The following TBL1X variants were observed in gnomAD, a reference collection of about 807,000 sequenced individuals.
TBL1X encodes the protein transducin beta like 1 X-linked.
TBL1X carries 10 observed loss-of-function variants against 50.7 expected under a neutral mutation model. The observed-to-expected ratio is 0.20, with a 90% CI of 0.12 to 0.33. TBL1X has a LOEUF of 0.33. TBL1X is among the 10% of genes least tolerant of loss of function. The pLI is 1.00. For synonymous variants in TBL1X, 190 were observed against 214.7 expected (o/e 0.88, Z 1.01); for missense variants, 340 against 504.4 (o/e 0.67, Z 3.12).
At chrX:9,517,235 G>A (rs1346360251) in intron 2 of TBL1X, among the ~76,000 whole-genome samples, 2 of 110,899 alleles carry the variant, frequency 1.8e-5, no homozygotes, top group Non-Finnish European at 3.8e-5. Flanking sequence ...ATCTGTGTGT[G>A]TTCTTTGAGG....
At chrX:9,645,885 A>G (rs1396279313) in intron 3 of TBL1X, among the ~76,000 whole-genome samples, 1 of 111,367 alleles carries the variant, frequency 9.0e-6, no homozygotes, top group Non-Finnish European at 1.9e-5. Flanking sequence ...CTGCCACCCA[A>G]TTTGGGACAT....
At chrX:9,645,748 A>G (rs1294690132) in intron 3 of TBL1X, among the ~76,000 whole-genome samples, 1 of 111,932 alleles carries the variant, frequency 8.9e-6, no homozygotes, top group African/African-American at 3.2e-5. Context: ...AAGTGTATGA[A>G]AGAAAGCAAG....
At chrX:9,566,455 C>T (rs997382244) in intron 2 of TBL1X, among the ~76,000 whole-genome samples, 11 of 111,726 alleles carry the variant, frequency 9.8e-5, no homozygotes, top group Non-Finnish European at 1.7e-4. Flanking sequence ...GCAAATGAAG[C>T]GGTTTGGAAT....
chrX:9,564,715 G>A lies in TBL1X; in HGVS notation c.-131+62866G>A, dbSNP rs1384012532. Among the ~76,000 whole-genome samples, 9 of 105,935 alleles carry A rather than the reference G, an allele frequency of 8.5e-5. No individual in the cohort carries two copies. The East Asian group carries it at 2.1e-3, about 25-fold the overall frequency. 92.0% of individuals were successfully genotyped at this position (105,935 alleles called of 115,157 possible). A position where few individuals can be genotyped will look rare whatever the true frequency, so the allele number is the denominator to read the frequency against. On this transcript the variant is annotated intron_variant, in intron 2 of 17. Transcript: ENST00000645353. ...GCCACTGCACTCCAGCCTGGTGACA[G>A]AGCAAGACTCTGTCTCAAAAAAAAA...
rs1468335270 is a variant in TBL1X at position 9,490,438 on chromosome X, G to C, written c.-200-11342G>C. ...CTGGCATCTTGTGGGCAGACCCCAG[G>C]GGTTCCACTAAGCACTGTAATGTGC... is the stretch of plus-strand genomic sequence containing the variant. On this transcript the variant is annotated intron_variant, in intron 1 of 17. Coordinates refer to ENST00000645353, the MANE Select transcript of TBL1X (RefSeq NM_005647.4). Among the ~76,000 whole-genome samples the C allele has an allele frequency of 4.5e-5, 5 of 111,932 alleles. No individual in the cohort carries two copies. In the Admixed American group the frequency reaches 4.7e-4, roughly 11 times the overall value.
At chrX:9,579,474 C>T (rs1350305394) in intron 2 of TBL1X, among the ~76,000 whole-genome samples, 2 of 112,037 alleles carry the variant, frequency 1.8e-5, no homozygotes, top group Non-Finnish European at 3.8e-5. Flanking sequence ...ATTGGCTCTC[C>T]AGATCTCTTA....
At chrX:9,582,930 T>C (rs745617982) in intron 2 of TBL1X, among the ~76,000 whole-genome samples, 1 of 112,638 alleles carries the variant, frequency 8.9e-6, no homozygotes, top group African/African-American at 3.2e-5. Flanking sequence ...TGTTTTCTCT[T>C]TAGAGTAATT....
chrX:9,622,394 T>C (rs1489324970), intron 2 of TBL1X, among the ~76,000 whole-genome samples: 1 of 111,506 alleles, frequency 9.0e-6, no homozygotes, highest in African/African-American at 3.3e-5. Context: ...TGTCCTTTCA[T>C]ATCGGGCATA....
intron 2 of TBL1X, among the ~76,000 whole-genome samples, chrX:9,628,035 G>A (rs912969649): frequency 8.9e-6 from 1 of 112,600 alleles, no homozygotes; most frequent in South Asian, 3.7e-4. Context: ...GTTGATATGT[G>A]GTTCTCATGA....
intron 2 of TBL1X, among the ~76,000 whole-genome samples, chrX:9,579,552 C>T (rs1250883060): frequency 2.7e-5 from 3 of 111,410 alleles, no homozygotes; most frequent in African/African-American, 3.3e-5. Context: ...AGGAAGTGAC[C>T]GGGAAGTGAA....
At chrX:9,575,113 C>T (rs921995381) in intron 2 of TBL1X, among the ~76,000 whole-genome samples, 2 of 111,183 alleles carry the variant, frequency 1.8e-5, no homozygotes, top group Non-Finnish European at 3.8e-5. Flanking sequence ...TGGCAGAAGG[C>T]GAAGAGGAGG....
In TBL1X at chrX:9,654,198, C is replaced by T. The variant is rs1318613994; in HGVS notation, c.104-17C>T. On this transcript the variant is annotated splice_polypyrimidine_tract_variant and intron_variant, in intron 4 of 17. Coordinates refer to ENST00000645353, the MANE Select transcript of TBL1X (RefSeq NM_005647.4). ...AATACAAGCAGTGTTTCAAAACTCT[C>T]TTCTCTTTTTGAACAGAGGGTGGTT... 8.4e-7 allele frequency: 1 copy of T among 1,190,480 alleles called. No individual in the cohort carries two copies. Among genetic ancestry groups the T allele is most frequent in the African/African-American group, 1.8e-5 (1 of 56,166 alleles).
intron 2 of TBL1X, among the ~76,000 whole-genome samples, chrX:9,617,966 C>T (rs1226061950): frequency 9.0e-6 from 1 of 110,961 alleles, no homozygotes; most frequent in Admixed American, 9.6e-5. Context: ...GGAGGTTTAG[C>T]AGCATCCCAG....
At chrX:9,491,306 T>TTATATATATATATATATATATATATA (rs757466880) in intron 1 of TBL1X, among the ~76,000 whole-genome samples, 4 of 51,901 alleles carry the variant, frequency 7.7e-5, no homozygotes, top group African/African-American at 1.6e-4. Flanking sequence ...GCCAGTATAT[T>TTATATATATATATATATATATATATA]TATATATATA....
At chrX:9,609,093 T>C (rs1162687268) in intron 2 of TBL1X, among the ~76,000 whole-genome samples, 1 of 111,870 alleles carries the variant, frequency 8.9e-6, no homozygotes, top group Middle Eastern at 4.2e-3. Context: ...GAAAACCGTC[T>C]TAAACGTTCT....
intron 2 of TBL1X, chrX:9,560,511 G>C (rs1245012312): frequency 2.7e-5 from 3 of 112,464 alleles, no homozygotes; most frequent in African/African-American, 9.7e-5. Flanking sequence ...GGAATCAGAG[G>C]TGCGTGCCTG....
intron 3 of TBL1X, among the ~76,000 whole-genome samples, chrX:9,643,976 T>TCA (rs1416724125): frequency 8.9e-6 from 1 of 112,149 alleles, no homozygotes; most frequent in East Asian, 2.8e-4. Context: ...AGTTTATTTT[T>TCA]CACAACTTCA....
intron 17 of TBL1X, among the ~76,000 whole-genome samples, chrX:9,716,014 G>A (rs1168774094): frequency 8.9e-6 from 1 of 112,112 alleles, no homozygotes; most frequent in Non-Finnish European, 1.9e-5. Context: ...TGTGCTGTTT[G>A]CTTCAGTTTG....
chrX:9,491,338 A>ATAT (rs1328551249), intron 1 of TBL1X, among the ~76,000 whole-genome samples: 56 of 31,300 alleles, frequency 1.8e-3, no homozygotes, highest in East Asian at 3.2e-3. Flanking sequence ...ATATATATAT[A>ATAT]TTTTTTTTTT....
Sources: allele counts gnomAD v4.1 joint callset (sites outside exome capture counted in the v4.1 genomes callset), GRCh38; gene constraint gnomAD v4.1.1; transcripts MANE v1.5; gene names NCBI Gene and HGNC (gene_info 2026-07-23, HGNC 2026-07-21).